The following FAM169A variants were observed in gnomAD, a reference collection of about 807,000 sequenced individuals.
FAM169A encodes the protein soluble lamin-associated protein of 75 kDa.
In FAM169A, 24 loss-of-function variants were observed where a neutral mutation model predicts 75.7. The observed-to-expected ratio is 0.32, with a 90% CI of 0.23 to 0.45. The LOEUF (loss-of-function observed/expected upper bound fraction) is 0.45, where lower values mean the gene tolerates loss of function less well. FAM169A is among the 20% of genes least tolerant of loss of function. FAM169A has a pLI of 1.00. For missense variants in FAM169A, 673 were observed against 784.0 expected, an observed-to-expected ratio of 0.86 and a Z score of 1.69; for synonymous variants, 271 against 271.0, an observed-to-expected ratio of 1.00 and a Z score of 0.00.
At chr5:74,809,733 C>T (rs1253756220) in intron 6 of FAM169A, among the ~76,000 whole-genome samples, 5 of 152,136 alleles carry the variant, frequency 3.3e-5, no homozygotes, top group African/African-American at 9.7e-5. Flanking sequence ...TGAAGAGATA[C>T]TCAAAAATCT....
Position 74,805,524 on chromosome 5 carries a change from C to CTTTTTTTTTTTTTTTTTTTTTTTT in FAM169A, c.671-241_671-240insAAAAAAAAAAAAAAAAAAAAAAAA, listed in dbSNP as rs1194674402. On this transcript the variant is annotated intron_variant, in intron 6 of 12. Transcript: ENST00000687041. ...AAAAATCCTTTAAAAATGTGCTTCG[C>CTTTTTTTTTTTTTTTTTTTTTTTT]TTTTTTTTTTTTTTTTTTTTTTTGG... Among the ~76,000 whole-genome samples the CTTTTTTTTTTTTTTTTTTTTTTTT allele has an allele frequency of 1.6e-4, 13 of 81,924 alleles. 2 individuals are homozygous for CTTTTTTTTTTTTTTTTTTTTTTTT. Among genetic ancestry groups the CTTTTTTTTTTTTTTTTTTTTTTTT allele is most frequent in the African/African-American group, 7.1e-4 (13 of 18,436 alleles). 53.7% of individuals were successfully genotyped at this position (81,924 alleles called of 152,430 possible). A position where few individuals can be genotyped will look rare whatever the true frequency, so the allele number is the denominator to read the frequency against.
chr5:74,799,147 A>G (rs1746432885), intron 10 of FAM169A: 8 of 1,030,790 alleles, frequency 7.8e-6, no homozygotes, highest in Non-Finnish European at 1.2e-5. Flanking sequence ...CAAGGAGCAC[A>G]ATGGACACAT....
At position 74,805,396 on chromosome 5, in the gene FAM169A, T is replaced by C. The variant is rs959258651; in HGVS notation, c.671-112A>G. 2.1e-5 allele frequency: 17 copies of C among 807,832 alleles called. No individual in the cohort carries two copies. The Admixed American group carries it at 4.1e-4, about 19-fold the overall frequency. 50.0% of individuals were successfully genotyped at this position (807,832 alleles called of 1,614,324 possible). A position where few individuals can be genotyped will look rare whatever the true frequency, so the allele number is the denominator to read the frequency against. ...CTTAACGGGGCTAGCATAACCTTGA[T>C]ACCAAAACACCAGCAACACAACTCA... On this transcript the variant is annotated intron_variant, in intron 6 of 12. Transcript: ENST00000687041.
rs764689046 is a variant in FAM169A, at chr5:74,810,974, A to ATTT, written c.670+2863_670+2865dup. 1.0e-4 allele frequency among the ~76,000 whole-genome samples: 10 copies of ATTT among 99,844 alleles called. 1 individual carries two copies. Among genetic ancestry groups the ATTT allele is most frequent in the African/African-American group, 2.9e-4 (7 of 24,468 alleles). The allele number at this position is 99,844 out of a possible 152,430, so 65.5% of individuals were successfully genotyped here. A position where few individuals can be genotyped will look rare whatever the true frequency, so the allele number is the denominator to read the frequency against. On this transcript the variant is annotated intron_variant, in intron 6 of 12. Coordinates refer to ENST00000687041, the MANE Select transcript of FAM169A (RefSeq NM_001376049.1). ...TACAGGCGCACACCACTAGGCCTGGATTTTTTTTTTTTTTTTTTTTTTCCT... is the reference window on the plus strand; with the variant it reads ...TACAGGCGCACACCACTAGGCCTGGATTTTTTTTTTTTTTTTTTTTTTTTTCCT...
chr5:74,795,918 C>T (rs527594286), intron 11 of FAM169A, 112 bp downstream of exon 11: 102 of 1,116,732 alleles, frequency 9.1e-5, no homozygotes, highest in African/African-American at 5.3e-4. Flanking sequence ...TAACACTAAA[C>T]GCAATTTCTA....
At position 74,778,570 on chromosome 5, in the gene FAM169A, C is replaced by T. The variant is rs1320089541; in HGVS notation, c.*2890G>A. 2 of 148,526 alleles carry T rather than the reference C, an allele frequency of 1.3e-5. No individual in the cohort carries two copies. The highest frequency in any genetic ancestry group is 3.0e-5 in the Non-Finnish European group (2 of 67,624). 9.2% of individuals were successfully genotyped at this position (148,526 alleles called of 1,614,324 possible). A position where few individuals can be genotyped will look rare whatever the true frequency, so the allele number is the denominator to read the frequency against. ...AGACACATTTTAAGTAGAAGACTGA[C>T]GTTCTAAATCATGCTGTTTGATTTT... On this transcript the variant is annotated 3_prime_UTR_variant, in exon 13 of 13. Transcript: ENST00000687041.
intron 5 of FAM169A, among the ~76,000 whole-genome samples, chr5:74,825,199 C>T (rs1212588066): frequency 6.6e-6 from 1 of 152,104 alleles, no homozygotes; most frequent in Non-Finnish European, 1.5e-5. Flanking sequence ...AATTCAAATA[C>T]ATCAGGTATT....
At chr5:74,849,702 C>T (rs116593918) in intron 1 of FAM169A, among the ~76,000 whole-genome samples, 201 of 152,182 alleles carry the variant, frequency 1.3e-3, no homozygotes, top group African/African-American at 4.5e-3. Flanking sequence ...TAACCTGGGC[C>T]CTGTACTACA....
intron 6 of FAM169A, among the ~76,000 whole-genome samples, chr5:74,808,230 T>A (rs575103244): frequency 6.6e-6 from 1 of 152,130 alleles, no homozygotes; most frequent in Non-Finnish European, 1.5e-5. Flanking sequence ...TAACTGTCCA[T>A]CAATAGATGA....
rs1194674402 is a variant in FAM169A, at chr5:74,805,524, C to CTTTTTTTTTTTTTTTTTTT, written c.671-259_671-241dup. On this transcript the variant is annotated intron_variant, in intron 6 of 12. Transcript: ENST00000687041. ...AAAAATCCTTTAAAAATGTGCTTCG[C>CTTTTTTTTTTTTTTTTTTT]TTTTTTTTTTTTTTTTTTTTTTTGG... Among the ~76,000 whole-genome samples, 22 of 81,924 alleles carry CTTTTTTTTTTTTTTTTTTT rather than the reference C, an allele frequency of 2.7e-4. 3 individuals are homozygous for CTTTTTTTTTTTTTTTTTTT. Among genetic ancestry groups the CTTTTTTTTTTTTTTTTTTT allele is most frequent in the African/African-American group, 1.1e-3 (21 of 18,436 alleles). 53.7% of individuals were successfully genotyped at this position (81,924 alleles called of 152,430 possible). A position where few individuals can be genotyped will look rare whatever the true frequency, so the allele number is the denominator to read the frequency against.
Position 74,807,849 on chromosome 5 carries a change from C to T in FAM169A, c.671-2565G>A, listed in dbSNP as rs569144482. On this transcript the variant is annotated intron_variant, in intron 6 of 12. Coordinates refer to ENST00000687041, the MANE Select transcript of FAM169A (RefSeq NM_001376049.1). ...ACACACTAAATAAGGCTAGGCACAG[C>T]GGCTCACGCCTGTAATCCCAGCATT... Among the ~76,000 whole-genome samples, 13 of 152,240 alleles carry T rather than the reference C, an allele frequency of 8.5e-5. No individual in the cohort carries two copies. The South Asian group carries it at 2.5e-3, about 29-fold the overall frequency.
intron 1 of FAM169A, among the ~76,000 whole-genome samples, chr5:74,853,144 G>C: frequency 6.6e-6 from 1 of 152,156 alleles, no homozygotes; most frequent in East Asian, 1.9e-4. Flanking sequence ...GTCTACAATG[G>C]ATTACTTTCC....
chr5:74,866,406 G>A (rs1750351849), upstream of FAM169A: 1 of 980,742 alleles, frequency 1.0e-6, no homozygotes, highest in African/African-American at 1.7e-5. Flanking sequence ...AGCGCCTCCA[G>A]CCTTCGCTTC....
intron 10 of FAM169A, chr5:74,799,612 G>A (rs1746455939): frequency 6.2e-6 from 9 of 1,442,762 alleles, no homozygotes; most frequent in Non-Finnish European, 8.8e-6. Context: ...TGGTGGCTGG[G>A]TCCACGGGGT....
At position 74,808,777 on chromosome 5, in the gene FAM169A, C is replaced by CA. The variant is rs533567646; in HGVS notation, c.671-3494dup. Reference sequence around the variant, plus strand: ...TATCTCTGGGGAGGAAAGGAGAAAGCAGAGTGGTATTAGGGAAGGGTTCAA... The same window carrying CA: ...TATCTCTGGGGAGGAAAGGAGAAAGCAAGAGTGGTATTAGGGAAGGGTTCAA... On this transcript the variant is annotated intron_variant, in intron 6 of 12. Coordinates refer to ENST00000687041, the MANE Select transcript of FAM169A (RefSeq NM_001376049.1). 3.6e-3 allele frequency among the ~76,000 whole-genome samples: 548 copies of CA among 152,142 alleles called. 6 individuals are homozygous for CA. The highest frequency in any genetic ancestry group is 0.013 in the African/African-American group (526 of 41,500).
chr5:74,782,433 A>C (rs1250541659), intron 12 of FAM169A, among the ~76,000 whole-genome samples: 2 of 152,192 alleles, frequency 1.3e-5, no homozygotes, highest in Non-Finnish European at 1.5e-5. Context: ...GGGCAATGGA[A>C]GTTTTATTCT....
At chr5:74,840,022 TA>T in intron 3 of FAM169A, 51 bp downstream of exon 3, 1 of 944,930 alleles carries the variant, frequency 1.1e-6, no homozygotes, top group Non-Finnish European at 1.6e-6. Flanking sequence ...AATAAATTTC[TA>T]ACAGTTTGGA....
intron 5 of FAM169A, among the ~76,000 whole-genome samples, chr5:74,823,648 C>T (rs899394619): frequency 6.6e-6 from 1 of 152,122 alleles, no homozygotes; most frequent in Non-Finnish European, 1.5e-5. Context: ...ATAAACAGAA[C>T]CCTTATTGGC....
chr5:74,810,751 C>CAAAAAAAAA (rs750402413), intron 6 of FAM169A, among the ~76,000 whole-genome samples: 1 of 52,542 alleles, frequency 1.9e-5, no homozygotes, highest in African/African-American at 8.6e-5. Context: ...GACTCCGTCT[C>CAAAAAAAAA]AAAAAAAAAA....
Sources: gnomAD v4.1 joint callset for allele counts (sites outside exome capture counted in the v4.1 genomes callset) on GRCh38, gnomAD v4.1.1 for gene constraint, MANE v1.5 for transcripts, NCBI Gene and HGNC (gene_info 2026-07-23, HGNC 2026-07-21) for gene names.